Variants in WDR27 observed in about 807,000 individuals in gnomAD.
WDR27 encodes WD repeat-containing protein 27.
Under a neutral mutation model 114.4 loss-of-function variants are expected in WDR27, and 100 were observed. That is an observed-to-expected ratio of 0.87 (90% CI 0.74 to 1.03). The LOEUF is 1.03. Among genes scored for constraint, WDR27 ranks in the 50% least tolerant of loss-of-function variants. The pLI, the probability that WDR27 is intolerant of heterozygous loss-of-function variation, is 0.00. For missense variants in WDR27, 1,129 were observed against 1,092.9 expected, an observed-to-expected ratio of 1.03 and a Z score of -0.47; for synonymous variants, 449 against 423.1, an observed-to-expected ratio of 1.06 and a Z score of -0.75.
intron 25 of WDR27, among the ~76,000 whole-genome samples, chr6:169,546,479 G>A (rs775718098): frequency 2.6e-5 from 4 of 152,254 alleles, no homozygotes; most frequent in South Asian, 2.1e-4. Flanking sequence ...AGGGAGAGCC[G>A]TGGGGACACT....
chr6:169,642,075 T>C (rs1443758618), intron 17 of WDR27, among the ~76,000 whole-genome samples: 1 of 152,248 alleles, frequency 6.6e-6, no homozygotes, highest in South Asian at 2.1e-4. Flanking sequence ...TGGGATGTGC[T>C]ACCTGACTGT....
chr6:169,655,283 GC>G (rs1329969811), intron 13 of WDR27, among the ~76,000 whole-genome samples: 1 of 152,220 alleles, frequency 6.6e-6, no homozygotes, highest in Non-Finnish European at 1.5e-5. Context: ...GAAGACCCTT[GC>G]CATCGTCTGC....
At chr6:169,436,654 A>G in the WDR27 span, among the ~76,000 whole-genome samples, 1 of 152,116 alleles carries the variant, frequency 6.6e-6, no homozygotes, top group African/African-American at 2.4e-5. Context: ...AGATTTATAA[A>G]CTTTTCATGT....
intron 25 of WDR27, among the ~76,000 whole-genome samples, chr6:169,498,337 T>C (rs1790673368): frequency 6.6e-6 from 1 of 152,108 alleles, no homozygotes; most frequent in South Asian, 2.1e-4. Context: ...GATTCAATTT[T>C]ACAAGATTAA....
chr6:169,554,610 A>G (rs1798620270), intron 25 of WDR27, among the ~76,000 whole-genome samples: 1 of 152,218 alleles, frequency 6.6e-6, no homozygotes, highest in South Asian at 2.1e-4. Context: ...GGAGCTGCAA[A>G]GCAAACACTG....
chr6:169,632,096 G>C lies in WDR27; in HGVS notation c.2223+851C>G, dbSNP rs368669095. ...CCAGCTACTCAGGAGGCTGAGGCAG[G>C]AGAATCGCTTGAACCCAGGAAGCAG... On this transcript the variant is annotated intron_variant, in intron 21 of 25. Coordinates refer to ENST00000448612, the MANE Select transcript of WDR27 (RefSeq NM_182552.5). 1.3e-4 allele frequency among the ~76,000 whole-genome samples: 20 copies of C among 151,362 alleles called. No individual in the cohort carries two copies. In the South Asian group the frequency reaches 2.5e-3, roughly 19 times the overall value.
intron 16 of WDR27, among the ~76,000 whole-genome samples, chr6:169,645,872 C>T (rs1820611297): frequency 1.3e-5 from 2 of 151,692 alleles, no homozygotes; most frequent in South Asian, 4.2e-4. Flanking sequence ...AAGCCTAGTT[C>T]ACAGAAGTCA....
chr6:169,520,928 A>C (rs1019542699), intron 25 of WDR27, among the ~76,000 whole-genome samples: 1 of 152,180 alleles, frequency 6.6e-6, no homozygotes, highest in African/African-American at 2.4e-5. Context: ...ATTAGTGTTC[A>C]AGTTGAACAA....
At chr6:169,473,807 C>T (rs1031755154) in intron 25 of WDR27, among the ~76,000 whole-genome samples, 2 of 152,206 alleles carry the variant, frequency 1.3e-5, no homozygotes, top group African/African-American at 2.4e-5. Context: ...AACCATGTGT[C>T]TCCAGTCCTG....
At chr6:169,620,488 GCTAGA>G (rs1812850800) in intron 21 of WDR27, among the ~76,000 whole-genome samples, 1 of 152,084 alleles carries the variant, frequency 6.6e-6, no homozygotes, top group Admixed American at 6.5e-5. Context: ...GATTCACTGA[GCTAGA>G]CTAAATTGTG....
At chr6:169,700,815 A>G (rs1179322160) in intron 1 of WDR27, among the ~76,000 whole-genome samples, 2 of 152,210 alleles carry the variant, frequency 1.3e-5, no homozygotes, top group East Asian at 1.9e-4. Context: ...CAGAAATAAT[A>G]AAGTTTTTTA....
rs1783729598 is a variant in WDR27 at position 169,688,814 on chromosome 6, T to C, written c.189+3A>G. 2 of 1,600,406 alleles carry C rather than the reference T, an allele frequency of 1.2e-6. No homozygotes were observed. Among genetic ancestry groups the C allele is most frequent in the Non-Finnish European group, 1.7e-6 (2 of 1,173,888 alleles). On this transcript the variant is annotated splice_donor_region_variant and intron_variant, in intron 2 of 25. Coordinates refer to ENST00000448612, the MANE Select transcript of WDR27 (RefSeq NM_182552.5). ...GACACTGGACATGTAACTCGTTCAATACCTGATGAGAAGGATCCTTAGTGT... is the reference window on the plus strand; with the variant it reads ...GACACTGGACATGTAACTCGTTCAACACCTGATGAGAAGGATCCTTAGTGT...
Position 169,664,449 on chromosome 6 carries a change from T to C in WDR27, c.784-163A>G, listed in dbSNP as rs114142186. 1,753 of 1,486,924 alleles carry C rather than the reference T, an allele frequency of 1.2e-3. 8 individuals are homozygous for C. In the African/African-American group the frequency reaches 0.016, roughly 14 times the overall value. 92.1% of individuals were successfully genotyped at this position (1,486,924 alleles called of 1,614,324 possible). On this transcript the variant is annotated intron_variant, in intron 7 of 25. Coordinates refer to ENST00000448612, the MANE Select transcript of WDR27 (RefSeq NM_182552.5). ...GCTGTCTCCTGCCTTCAACATCCCC[T>C]CTGGAGGCCCTCCGTACGGCCCACG...
rs112026198 is a variant in WDR27 at position 169,664,462 on chromosome 6, C to T, written c.784-176G>A. ...TTCAACATCCCCTCTGGAGGCCCTC[C>T]GTACGGCCCACGGTGTCAGAGCACT... On this transcript the variant is annotated intron_variant, in intron 7 of 25. Transcript: ENST00000448612. The T allele has an allele frequency of 3.1e-4, 446 of 1,461,706 alleles. 1 individual carries two copies. The African/African-American group carries it at 5.6e-3, about 18-fold the overall frequency. The allele number at this position is 1,461,706 out of a possible 1,614,324, so 90.5% of individuals were successfully genotyped here.
At chr6:169,685,753 G>C (rs1015239065) in intron 2 of WDR27, among the ~76,000 whole-genome samples, 3 of 152,208 alleles carry the variant, frequency 2.0e-5, no homozygotes, top group Non-Finnish European at 2.9e-5. Context: ...CATTCTAGCA[G>C]AAGAAGATAA....
intron 6 of WDR27, chr6:169,666,928 A>G: frequency 2.0e-6 from 2 of 985,458 alleles, no homozygotes; most frequent in Non-Finnish European, 2.4e-6. Context: ...CCAAGCATCC[A>G]TTTAATTTTA....
chr6:169,666,622 G>A, intron 6 of WDR27: 1 of 985,628 alleles, frequency 1.0e-6, no homozygotes, highest in Non-Finnish European at 1.2e-6. Flanking sequence ...CACCATCAAT[G>A]CTGTAGCTGT....
rs576508869 is a variant in WDR27 at position 169,617,162 on chromosome 6, C to T, written c.2224-3506G>A. Among the ~76,000 whole-genome samples the T allele has an allele frequency of 1.4e-4, 22 of 152,120 alleles. No individual in the cohort carries two copies. In the South Asian group the frequency reaches 3.7e-3, roughly 26 times the overall value. On this transcript the variant is annotated intron_variant, in intron 21 of 25. Coordinates refer to ENST00000448612, the MANE Select transcript of WDR27 (RefSeq NM_182552.5). ...CACAAATGAGCAGCAAGTTTAGGAG[C>T]GAAGATTTCATAGGCAAAATAAAAA...
rs888675842 is a variant in WDR27 at position 169,534,446 on chromosome 6, G to A, written c.2645+37973C>T. The stretch of plus-strand genomic sequence containing the variant: ...CCTCTTCTATCTATTGGAAGAGTTT[G>A]TGAAGAATTCATATTAATTCCCTTT... On this transcript the variant is annotated intron_variant, in intron 25 of 25. Transcript: ENST00000448612. 5.3e-5 allele frequency among the ~76,000 whole-genome samples: 8 copies of A among 152,280 alleles called. No individual in the cohort carries two copies. In the South Asian group the frequency reaches 6.2e-4, roughly 12 times the overall value.
Sources: allele counts gnomAD v4.1 joint callset (sites outside exome capture counted in the v4.1 genomes callset), GRCh38; gene constraint gnomAD v4.1.1; transcripts MANE v1.5; gene names NCBI Gene and HGNC (gene_info 2026-07-23, HGNC 2026-07-21).